The following TSHR variants were observed in gnomAD, a reference collection of about 807,000 sequenced individuals.
TSHR encodes thyrotropin receptor.
Under a neutral mutation model 64.1 loss-of-function variants are expected in TSHR, and 51 were observed. The ratio of observed to expected loss-of-function variants is 0.80; its 90% confidence interval spans 0.64 to 1.01. The LOEUF (loss-of-function observed/expected upper bound fraction) is 1.01. TSHR is among the 50% of genes least tolerant of loss of function. The probability of loss-of-function intolerance (pLI) is 0.00; values close to 1 mark genes in which losing one functional copy is unlikely to be tolerated. For synonymous variants in TSHR, 361 were observed against 361.9 expected (o/e 1.00, Z 0.03); for missense variants, 877 against 942.8 (o/e 0.93, Z 0.91).
intron 8 of TSHR, among the ~76,000 whole-genome samples, chr14:81,126,829 C>T (rs909149964): frequency 4.6e-5 from 7 of 152,130 alleles, no homozygotes; most frequent in Admixed American, 1.3e-4. Flanking sequence ...AGTGAGTGCC[C>T]GCTAGGCTCT....
chr14:81,018,559 A>C (rs1488040930), intron 1 of TSHR, among the ~76,000 whole-genome samples: 40 of 152,216 alleles, frequency 2.6e-4, no homozygotes, highest in Non-Finnish European at 1.5e-5. Flanking sequence ...GAAGAGTTGG[A>C]GGGAAAGCCC....
At chr14:80,962,601 A>C (rs950271765) in intron 1 of TSHR, among the ~76,000 whole-genome samples, 1 of 152,214 alleles carries the variant, frequency 6.6e-6, no homozygotes, top group Non-Finnish European at 1.5e-5. Flanking sequence ...TTCCAGGTAG[A>C]TATGAATTTT....
At chr14:80,991,520 C>G (rs1037045486) in intron 1 of TSHR, 9 of 398,220 alleles carry the variant, frequency 2.3e-5, no homozygotes, top group African/African-American at 4.1e-5. Flanking sequence ...CGCAACCATT[C>G]TTTCCAAATT....
At chr14:80,967,331 G>A (rs150611635) in intron 1 of TSHR, among the ~76,000 whole-genome samples, 12,120 of 145,034 alleles carry the variant, frequency 0.084, 691 homozygotes, top group South Asian at 0.23. Context: ...TGTTGCCCAG[G>A]CTACAGTGCA....
chr14:81,089,289 A>G (rs1313013658), intron 4 of TSHR, among the ~76,000 whole-genome samples: 1 of 152,148 alleles, frequency 6.6e-6, no homozygotes, highest in Non-Finnish European at 1.5e-5. Flanking sequence ...TGCCTGGCCA[A>G]TAGTTGTATA....
chr14:80,982,996 C>T, intron 1 of TSHR: 2 of 535,846 alleles, frequency 3.7e-6, no homozygotes, highest in Non-Finnish European at 6.8e-6. Context: ...AACTACTGAT[C>T]CTCTTGTTCA....
At chr14:81,049,527 G>A (rs556264723) in intron 1 of TSHR, 21 of 152,312 alleles carry the variant, frequency 1.4e-4, no homozygotes, top group African/African-American at 4.8e-4. Context: ...GTATTAAACA[G>A]TGCTCCTCAA....
intron 1 of TSHR, among the ~76,000 whole-genome samples, chr14:80,985,532 T>G (rs559170114): frequency 6.6e-6 from 1 of 152,224 alleles, no homozygotes; most frequent in Admixed American, 6.5e-5. Context: ...ACAGTGATTC[T>G]TAGTCGTTGG....
chr14:80,986,712 C>T (rs915280735), intron 1 of TSHR, among the ~76,000 whole-genome samples: 13 of 152,218 alleles, frequency 8.5e-5, no homozygotes, highest in Non-Finnish European at 1.6e-4. Flanking sequence ...GTCTCAAACG[C>T]TTGACCTCAG....
intron 1 of TSHR, among the ~76,000 whole-genome samples, chr14:81,058,856 T>G (rs1886017600): frequency 6.6e-6 from 1 of 152,182 alleles, no homozygotes; most frequent in African/African-American, 2.4e-5. Context: ...TTTAAAGCAG[T>G]AATCACAATA....
At chr14:80,983,136 C>G (rs1888256288) in intron 1 of TSHR, 10 of 798,486 alleles carry the variant, frequency 1.3e-5, no homozygotes, top group Non-Finnish European at 1.8e-5. Flanking sequence ...GAGAAAATTA[C>G]TAATTTTCTT....
intron 7 of TSHR, among the ~76,000 whole-genome samples, chr14:81,101,711 C>A (rs905593111): frequency 2.0e-5 from 3 of 152,164 alleles, no homozygotes; most frequent in African/African-American, 7.2e-5. Flanking sequence ...CATACCACCA[C>A]ACTCACTTGA....
chr14:81,108,844 G>A, intron 8 of TSHR: 4 of 1,486,168 alleles, frequency 2.7e-6, no homozygotes, highest in South Asian at 1.3e-5. Flanking sequence ...ACAATGCCTG[G>A]CACAAAGAAG....
intron 1 of TSHR, among the ~76,000 whole-genome samples, chr14:81,060,017 C>T (rs551948485): frequency 2.0e-5 from 3 of 152,182 alleles, no homozygotes; most frequent in Admixed American, 6.5e-5. Context: ...CACTTAGATG[C>T]TATTTCTGTT....
intron 1 of TSHR, chr14:80,992,817 G>T (rs963653288): frequency 6.6e-5 from 10 of 152,126 alleles, no homozygotes; most frequent in Non-Finnish European, 1.3e-4. Context: ...AAACATCTGG[G>T]AGCTGCAGTT....
intron 1 of TSHR, among the ~76,000 whole-genome samples, chr14:81,006,558 G>A (rs1430682189): frequency 6.6e-6 from 1 of 151,736 alleles, no homozygotes; most frequent in Admixed American, 6.6e-5. Context: ...CTGTCACCAG[G>A]CGAGAGCGCA....
chr14:81,076,388 A>G (rs1887504469), intron 3 of TSHR, among the ~76,000 whole-genome samples: 1 of 152,142 alleles, frequency 6.6e-6, no homozygotes, highest in African/African-American at 2.4e-5. Context: ...GATCTTATCT[A>G]ACAATTCCCA....
intron 1 of TSHR, among the ~76,000 whole-genome samples, chr14:81,027,945 T>A (rs1884155073): frequency 6.6e-6 from 1 of 152,154 alleles, no homozygotes; most frequent in Non-Finnish European, 1.5e-5. Flanking sequence ...AAGGCTGATC[T>A]GAGACTAAGG....
At chr14:81,088,402 C>A (rs1250487308) in intron 4 of TSHR, among the ~76,000 whole-genome samples, 4 of 152,004 alleles carry the variant, frequency 2.6e-5, no homozygotes, top group East Asian at 3.9e-4. Context: ...GGAAAAAAAA[C>A]CCACAAAGAG....
Sources: allele counts gnomAD v4.1 joint callset (sites outside exome capture counted in the v4.1 genomes callset), GRCh38; gene constraint gnomAD v4.1.1; transcripts MANE v1.5; gene names NCBI Gene and HGNC (gene_info 2026-07-23, HGNC 2026-07-21).